PARM1: variants seen among roughly 807,000 people sequenced by gnomAD.
PARM1 encodes prostate androgen-regulated mucin-like protein 1.
Under a neutral mutation model 24.6 loss-of-function variants are expected in PARM1, and 14 were observed. That is an observed-to-expected ratio of 0.57 (90% confidence interval 0.38 to 0.89). PARM1 has a LOEUF of 0.89. Among genes scored for constraint, PARM1 ranks in the 40% least tolerant of loss-of-function variants. PARM1 has a pLI of 0.00. For missense variants in PARM1, 362 were observed against 380.4 expected, an observed-to-expected ratio of 0.95 and a Z score of 0.40; for synonymous variants, 179 against 156.6, an observed-to-expected ratio of 1.14 and a Z score of -1.07.
chr4:75,030,551 C>T (rs1403100402), intron 2 of PARM1, among the ~76,000 whole-genome samples: 1 of 152,100 alleles, frequency 6.6e-6, no homozygotes, highest in African/African-American at 2.4e-5. Context: ...GGTTTTGGTT[C>T]ACAGGCCTTC....
intron 2 of PARM1, among the ~76,000 whole-genome samples, chr4:75,024,124 T>C (rs1321271606): frequency 1.3e-5 from 2 of 152,064 alleles, no homozygotes; most frequent in Non-Finnish European, 2.9e-5. Flanking sequence ...TACCAAAAAT[T>C]AGCCTGGCGT....
intron 1 of PARM1, among the ~76,000 whole-genome samples, chr4:74,941,855 AC>A (rs1455004122): frequency 7.9e-5 from 12 of 152,230 alleles, no homozygotes; most frequent in Non-Finnish European, 1.8e-4. Context: ...CTCTTCAAAA[AC>A]AATCTGATTA....
intron 1 of PARM1, among the ~76,000 whole-genome samples, chr4:74,938,825 A>C (rs190341436): frequency 1.3e-5 from 2 of 152,308 alleles, no homozygotes; most frequent in Admixed American, 1.3e-4. Context: ...GAACTTTGCC[A>C]TTGTGTAAGT....
intron 2 of PARM1, among the ~76,000 whole-genome samples, chr4:75,021,798 T>A (rs559158077): frequency 1.1e-4 from 16 of 152,148 alleles, no homozygotes; most frequent in East Asian, 3.9e-4. Context: ...TTTCATTCCT[T>A]TTATGGCTGA....
intron 1 of PARM1, among the ~76,000 whole-genome samples, chr4:74,971,102 C>T (rs1470344109): frequency 1.3e-5 from 2 of 152,144 alleles, no homozygotes; most frequent in African/African-American, 4.8e-5. Context: ...AGTCTGTTCT[C>T]ACAGGGCAAA....
chr4:75,029,844 G>A (rs1723243948), intron 2 of PARM1, among the ~76,000 whole-genome samples: 1 of 151,562 alleles, frequency 6.6e-6, no homozygotes, highest in African/African-American at 2.4e-5. Context: ...TGAGTCAGCT[G>A]TGTGGAAACT....
At chr4:74,946,387 A>C (rs1291121549) in intron 1 of PARM1, among the ~76,000 whole-genome samples, 1 of 152,174 alleles carries the variant, frequency 6.6e-6, no homozygotes, top group Non-Finnish European at 1.5e-5. Context: ...ATCTCTTATC[A>C]GTAACTCCTA....
chr4:75,046,039 A>G (rs1560397118), intron 3 of PARM1, 124 bp from the exon 4 acceptor site: 1 of 644,466 alleles, frequency 1.6e-6, no homozygotes, highest in East Asian at 2.8e-5. Context: ...TGTCCTAGTG[A>G]GAGCGTCACA....
At chr4:74,997,537 G>T (rs1722598241) in intron 1 of PARM1, among the ~76,000 whole-genome samples, 1 of 152,144 alleles carries the variant, frequency 6.6e-6, no homozygotes, top group South Asian at 2.1e-4. Context: ...CATTGAATTA[G>T]AACTTGGATA....
chr4:75,003,750 C>T (rs1007349482), intron 1 of PARM1, among the ~76,000 whole-genome samples: 3 of 152,170 alleles, frequency 2.0e-5, no homozygotes, highest in Non-Finnish European at 4.4e-5. Context: ...GTGCCCTCAG[C>T]AGAGCCCACC....
At position 75,049,843 on chromosome 4, in the gene PARM1, C is replaced by G. The variant is rs1723682564; in HGVS notation, c.*3596C>G. On this transcript the variant is annotated 3_prime_UTR_variant, in exon 4 of 4. Transcript: ENST00000307428. The stretch of plus-strand genomic sequence containing the variant: ...GCTAATTTGCACGTTGATTCACCTT[C>G]TTTGCCTTTAAGCCTTTTTTTTCTT... The G allele has an allele frequency of 6.8e-6, 1 of 145,992 alleles. No homozygotes were observed. Among genetic ancestry groups the G allele is most frequent in the Admixed American group, 6.8e-5 (1 of 14,758 alleles). The allele number at this position is 145,992 out of a possible 1,614,324, so 9.0% of individuals were successfully genotyped here.
chr4:74,953,003 T>C (rs539659978), intron 1 of PARM1, among the ~76,000 whole-genome samples: 1 of 152,308 alleles, frequency 6.6e-6, no homozygotes, highest in South Asian at 2.1e-4. Flanking sequence ...TTCTGGAGCA[T>C]CTAAAATTCA....
chr4:74,983,786 C>T (rs1036489395), intron 1 of PARM1, among the ~76,000 whole-genome samples: 1 of 152,190 alleles, frequency 6.6e-6, no homozygotes, highest in South Asian at 2.1e-4. Flanking sequence ...ACCCCTTCAC[C>T]TTCCAGTTTA....
intron 2 of PARM1, among the ~76,000 whole-genome samples, chr4:75,030,580 C>T (rs1371065641): frequency 6.6e-6 from 1 of 152,132 alleles, no homozygotes; most frequent in Non-Finnish European, 1.5e-5. Context: ...TCTGGATAGG[C>T]AGAACATGTT....
At chr4:75,016,886 T>C (rs1722998108) in intron 2 of PARM1, among the ~76,000 whole-genome samples, 1 of 152,178 alleles carries the variant, frequency 6.6e-6, no homozygotes, top group African/African-American at 2.4e-5. Context: ...CACTGAACTA[T>C]AGACATGTAT....
At chr4:74,949,290 A>G (rs1721471377) in intron 1 of PARM1, among the ~76,000 whole-genome samples, 1 of 152,162 alleles carries the variant, frequency 6.6e-6, no homozygotes, top group African/African-American at 2.4e-5. Context: ...ACTTAGTAAG[A>G]AATGGGCATG....
At chr4:74,994,288 T>G (rs974482463) in intron 1 of PARM1, 28 of 152,122 alleles carry the variant, frequency 1.8e-4, no homozygotes, top group African/African-American at 6.3e-4. Context: ...GCCCCCAAAT[T>G]AAGCCACTTA....
At position 75,013,087 on chromosome 4, in the gene PARM1, A is replaced by C. The variant is rs754639537; in HGVS notation, c.706A>C (p.Met236Leu). The part of the protein sequence containing the change: ...SGKVMCELID[M>L]ETTTTFPRVI... Reference sequence around the variant, plus strand: ...CAAAGTGATGTGTGAGCTCATAGACATGGAGACCACCACCACCTTTCCCAG... The same window carrying C: ...CAAAGTGATGTGTGAGCTCATAGACCTGGAGACCACCACCACCTTTCCCAG... The change falls in exon 2 of 4, where the codon ATG becomes CTG. Residue 236 changes from methionine to leucine, a missense_variant. Coordinates refer to ENST00000307428, the MANE Select transcript of PARM1 (RefSeq NM_015393.4). 5 of 1,614,026 alleles carry C rather than the reference A, an allele frequency of 3.1e-6. No homozygotes were observed. The highest frequency in any genetic ancestry group is 4.2e-6 in the Non-Finnish European group (5 of 1,179,884).
Position 74,998,496 on chromosome 4 carries a change from T to C in PARM1, c.44-13929T>C, listed in dbSNP as rs372680431. Among the ~76,000 whole-genome samples the C allele has an allele frequency of 3.3e-3, 507 of 152,352 alleles. 6 individuals carry two copies. The highest frequency in any genetic ancestry group is 0.011 in the African/African-American group (472 of 41,582). On this transcript the variant is annotated intron_variant, in intron 1 of 3. Coordinates refer to ENST00000307428, the MANE Select transcript of PARM1 (RefSeq NM_015393.4). ...TCTTCAAACATCCAGTTTCCCTTGT[T>C]ACTTAAAGTATTTAATTAAAATTCA...
Sources: allele counts gnomAD v4.1 joint callset (sites outside exome capture counted in the v4.1 genomes callset), GRCh38; gene constraint gnomAD v4.1.1; transcripts MANE v1.5; gene names NCBI Gene and HGNC (gene_info 2026-07-23, HGNC 2026-07-21).